CHDH: variants seen among roughly 807,000 people sequenced by gnomAD.
CHDH encodes choline dehydrogenase.
In CHDH, 43 loss-of-function variants were observed where a neutral mutation model predicts 56.9. That is an observed-to-expected ratio of 0.76 (90% confidence interval 0.59 to 0.97). CHDH has a LOEUF of 0.97. CHDH is among the 50% of genes least tolerant of loss of function. CHDH has a pLI of 0.00. For synonymous variants in CHDH, 364 were observed against 348.5 expected (o/e 1.04, Z -0.50); for missense variants, 816 against 821.1 (o/e 0.99, Z 0.08).
chr3:53,817,791 C>A lies in CHDH; in HGVS notation c.1771G>T (p.Ala591Ser). ...DVPVYKPRTL[A>S]TQR ...CAGCAACTGTCTTAGCGCTGGGTGG[C>A]CAGCGTCCTGGGCTTGTAGACAGGG... is the stretch of plus-strand genomic sequence containing the variant. Residue 591 changes from alanine to serine, a missense_variant, in exon 9 of 9, where the codon GCC becomes TCC. By Grantham distance (99) the Ala-to-Ser change is moderately conservative. Transcript: ENST00000315251. The A allele has an allele frequency of 6.2e-7, 1 of 1,603,752 alleles. No homozygotes were observed. Among genetic ancestry groups the A allele is most frequent in the South Asian group, 1.1e-5 (1 of 89,276 alleles).
rs1365372126 is a variant in CHDH, at chr3:53,818,114, C to T, written c.1448G>A (p.Gly483Glu). ...GTGGCTTCCTGGCTGGAGCTCTTTCCCTCGGAACGGAGCCAGGGCTTCCTG... is the reference window on the plus strand; with the variant it reads ...GTGGCTTCCTGGCTGGAGCTCTTTCTCTCGGAACGGAGCCAGGGCTTCCTG... The part of the protein sequence containing the change: ...FAQEALAPFR[G>E]KELQPGSHIQ... The change falls in exon 9 of 9, where the codon GGG (glycine) becomes GAG (glutamate). Residue 483 changes from glycine to glutamate, a missense_variant. Coordinates refer to ENST00000315251, the MANE Select transcript of CHDH (RefSeq NM_018397.5). 2 of 1,613,926 alleles carry T rather than the reference C, an allele frequency of 1.2e-6. No homozygotes were observed. Among genetic ancestry groups the T allele is most frequent in the Non-Finnish European group, 1.7e-6 (2 of 1,179,960 alleles).
chr3:53,817,390 C>G lies in CHDH; in HGVS notation c.*387G>C, dbSNP rs930248970. 4.9e-6 allele frequency: 1 copy of G among 203,136 alleles called. No homozygotes were observed. The highest frequency in any genetic ancestry group is 5.2e-5 in the Admixed American group (1 of 19,208). The allele number at this position is 203,136 out of a possible 1,614,324, so 12.6% of individuals were successfully genotyped here. ...CTTCCTTCGCGAACCCTCCGTGGGT[C>G]TGGCAGGCACCCAGCCTCTGTGCAT... On this transcript the variant is annotated 3_prime_UTR_variant, in exon 9 of 9. Coordinates refer to ENST00000315251, the MANE Select transcript of CHDH (RefSeq NM_018397.5).
intron 2 of CHDH, among the ~76,000 whole-genome samples, chr3:53,838,135 G>A (rs1406753795): frequency 6.6e-6 from 1 of 151,918 alleles, no homozygotes; most frequent in Non-Finnish European, 1.5e-5. Flanking sequence ...CAAGGGTGGG[G>A]GGCCCAGGCC....
chr3:53,829,564 T>G (rs1698269596), intron 2 of CHDH, among the ~76,000 whole-genome samples: 1 of 152,226 alleles, frequency 6.6e-6, no homozygotes, highest in Admixed American at 6.5e-5. Context: ...TAAACAGTAT[T>G]TTAAAACTAT....
At position 53,818,170 on chromosome 3, in the gene CHDH, C is replaced by A; in HGVS notation, c.1392G>T (p.Leu464=). The change falls in exon 9 of 9, where the codon CTG becomes CTT. Residue 464 remains leucine (L), a synonymous_variant. Transcript: ENST00000315251. The part of the protein sequence containing the change: ...STETDIEDFR[L]CVKLTREIFA... ...AAATTTCTCTGGTGAGCTTCACACA[C>A]AGACGGAAATCCTCAATATCAGTTT... The A allele has an allele frequency of 6.2e-7, 1 of 1,610,330 alleles. No individual in the cohort carries two copies.
intron 2 of CHDH, among the ~76,000 whole-genome samples, chr3:53,839,569 G>A (rs1029562637): frequency 6.6e-6 from 1 of 152,212 alleles, no homozygotes; most frequent in Non-Finnish European, 1.5e-5. Context: ...CAGTTATGTT[G>A]TTTAAACTCA....
rs905151550 is a variant in CHDH at position 53,840,987 on chromosome 3, T to G, written c.-118A>C. The G allele has an allele frequency of 2.6e-5, 4 of 152,156 alleles. No homozygotes were observed. The highest frequency in any genetic ancestry group is 4.8e-5 in the African/African-American group (2 of 41,422). The allele number at this position is 152,156 out of a possible 1,614,324, so 9.4% of individuals were successfully genotyped here. On this transcript the variant is annotated 5_prime_UTR_variant, in exon 2 of 9. Transcript: ENST00000315251. ...CTGTGACCGGGGCTGGCCTACACACTCTTTGTGATTGTCTGAGAGAGATAA... is the reference window on the plus strand; with the variant it reads ...CTGTGACCGGGGCTGGCCTACACACGCTTTGTGATTGTCTGAGAGAGATAA...
rs10636132 is a variant in CHDH, at chr3:53,843,188, C to CTTTTT, written c.-130-2194_-130-2190dup. ...GGTCCTAGGGAATTTCCCCCCCCAC[C>CTTTTT]TTTTTTTTTTTTTTTTGGTTCTGCC... On this transcript the variant is annotated intron_variant, in intron 1 of 8. Coordinates refer to ENST00000315251, the MANE Select transcript of CHDH (RefSeq NM_018397.5). 8.0e-4 allele frequency among the ~76,000 whole-genome samples: 100 copies of CTTTTT among 125,154 alleles called. 5 individuals are homozygous for CTTTTT. The highest frequency in any genetic ancestry group is 1.3e-3 in the African/African-American group (41 of 32,026). 82.1% of individuals were successfully genotyped at this position (125,154 alleles called of 152,430 possible). A position where few individuals can be genotyped will look rare whatever the true frequency, so the allele number is the denominator to read the frequency against.
At chr3:53,825,529 G>A (rs2095637476) in intron 2 of CHDH, among the ~76,000 whole-genome samples, 1 of 152,110 alleles carries the variant, frequency 6.6e-6, no homozygotes. Flanking sequence ...ATAAAGAGGG[G>A]AAGAGAGAAA....
At position 53,821,730 on chromosome 3, in the gene CHDH, G is replaced by A. The variant is rs2095626946; in HGVS notation, c.902C>T (p.Ser301Phe). ...GCCAGAGAGCATGAGCAGCTGTGGA[G>A]AGTTGATGGCACCTCCACTCAGAAT... is the stretch of plus-strand genomic sequence containing the variant. ...EVILSGGAIN[S>F]PQLLMLSGIG... Residue 301 changes from serine (S) to phenylalanine (F), a missense_variant, in exon 5 of 9, where the codon TCT (serine) becomes TTT (phenylalanine). Transcript: ENST00000315251. The A allele has an allele frequency of 6.2e-7, 1 of 1,614,122 alleles. No homozygotes were observed. Among genetic ancestry groups the A allele is most frequent in the Non-Finnish European group, 8.5e-7 (1 of 1,179,998 alleles).
Position 53,821,776 on chromosome 3 carries a change from C to T in CHDH, c.856G>A (p.Ala286Thr). ...EYVKNGQSHR[A>T]YASKEVILSG... ...AGAATCACCTCCTTGCTGGCATAAG[C>T]CTGGAAGAGGTCCAGCCAGGTCACT... Residue 286 changes from alanine (A) to threonine (T), a missense_variant and splice_region_variant, in exon 5 of 9, where the codon GCT becomes ACT. Ala to Thr is a moderately conservative substitution (Grantham distance 58). Coordinates refer to ENST00000315251, the MANE Select transcript of CHDH (RefSeq NM_018397.5). 6.2e-7 allele frequency: 1 copy of T among 1,613,672 alleles called. No individual in the cohort carries two copies. Among genetic ancestry groups the T allele is most frequent in the Non-Finnish European group, 8.5e-7 (1 of 1,179,842 alleles).
At chr3:53,837,056 C>T (rs750161925) in intron 2 of CHDH, among the ~76,000 whole-genome samples, 19 of 152,036 alleles carry the variant, frequency 1.2e-4, no homozygotes, top group African/African-American at 4.4e-4. Flanking sequence ...TAGCCAGGCA[C>T]GGTGGTGTGT....
intron 1 of CHDH, among the ~76,000 whole-genome samples, chr3:53,843,174 AT>A (rs1285232186): frequency 1.1e-4 from 14 of 125,726 alleles, no homozygotes; most frequent in African/African-American, 2.1e-4. Flanking sequence ...GTCCTAGGGA[AT>A]TTCCCCCCCC....
Position 53,823,383 on chromosome 3 carries a change from GC to G in CHDH, c.625del (p.Ala209ProfsTer9), listed in dbSNP as rs1559751863. 6.2e-7 allele frequency: 1 copy of G among 1,605,722 alleles called. No homozygotes were observed. Among genetic ancestry groups the G allele is most frequent in the Non-Finnish European group, 8.5e-7 (1 of 1,175,720 alleles). On this transcript the variant is annotated frameshift_variant, in exon 3 of 9. Transcript: ENST00000315251. LOFTEE classifies it high-confidence loss of function. ...HCAFLEATQQ[A>X]GYPLTEDMNG... ...CATGTCCTCGGTGAGCGGGTAGCCG[GC>G]CTGCTGCGTGGCCTCCAGGAATGCG...
intron 3 of CHDH, 55 bp from the exon 4 acceptor site, chr3:53,822,697 G>A: frequency 6.4e-7 from 1 of 1,574,070 alleles, no homozygotes. Flanking sequence ...TGGCACCTGG[G>A]CAGGAGGAAG....
rs764597199 is a variant in CHDH at position 53,817,795 on chromosome 3, C to A, written c.1767G>T (p.Thr589=). 2 of 1,605,192 alleles carry A rather than the reference C, an allele frequency of 1.2e-6. No homozygotes were observed. The highest frequency in any genetic ancestry group is 1.1e-5 in the South Asian group (1 of 89,716). ...AACTGTCTTAGCGCTGGGTGGCCAG[C>A]GTCCTGGGCTTGTAGACAGGGACAT... ...DKDVPVYKPR[T]LATQR is the part of the protein sequence containing the mutation. Residue 589 remains threonine (T), a synonymous_variant, in exon 9 of 9, where the codon ACG becomes ACT. Transcript: ENST00000315251.
chr3:53,841,187 T>G (rs957615226), intron 1 of CHDH, among the ~76,000 whole-genome samples, 188 bp from the exon 2 acceptor site: 1 of 152,176 alleles, frequency 6.6e-6, no homozygotes, highest in African/African-American at 2.4e-5. Context: ...AGATTAAAAT[T>G]TTAAAAACAG....
rs1218873956 is a variant in CHDH at position 53,823,549 on chromosome 3, C to T, written c.460G>A (p.Gly154Ser). 1 of 1,542,472 alleles carries T rather than the reference C, an allele frequency of 6.5e-7. No homozygotes were observed. The highest frequency in any genetic ancestry group is 2.4e-5 in the East Asian group (1 of 40,828). ...TGCGCGTAGTCCCAGCCGCGGGCGC[C>T]CTGGCGCTGCCAGCGCTCGTAGTCC... The part of the protein sequence containing the change: ...AEDYERWQRQ[G>S]ARGWDYAHCL... The change falls in exon 3 of 9, where the codon GGC becomes AGC. Residue 154 changes from glycine (G) to serine (S), a missense_variant. By Grantham distance (56) the Gly-to-Ser change is moderately conservative. Transcript: ENST00000315251.
chr3:53,839,654 T>A (rs1698611929), intron 2 of CHDH, among the ~76,000 whole-genome samples: 1 of 152,216 alleles, frequency 6.6e-6, no homozygotes, highest in East Asian at 1.9e-4. Context: ...AATATGGAGA[T>A]GCCTCAAAAC....
Sources: allele counts gnomAD v4.1 joint callset (sites outside exome capture counted in the v4.1 genomes callset), GRCh38; gene constraint gnomAD v4.1.1; transcripts MANE v1.5; gene names NCBI Gene and HGNC (gene_info 2026-07-23, HGNC 2026-07-21).